The following XRCC4 variants were observed in gnomAD, a reference collection of about 807,000 sequenced individuals.
XRCC4 encodes DNA repair protein XRCC4.
XRCC4 carries 28 observed loss-of-function variants against 39.1 expected under a neutral mutation model. The observed-to-expected ratio is 0.72, with a 90% CI of 0.53 to 0.98. The LOEUF (loss-of-function observed/expected upper bound fraction) is 0.98. XRCC4 is among the 50% of genes least tolerant of loss of function. The probability of loss-of-function intolerance (pLI) is 0.00; values close to 1 mark genes in which losing one functional copy is unlikely to be tolerated. For missense variants in XRCC4, 350 were observed against 376.4 expected (o/e 0.93, Z 0.58); for synonymous variants, 123 against 126.4 (o/e 0.97, Z 0.18).
chr5:83,319,040 G>T (rs1755972726), intron 7 of XRCC4, among the ~76,000 whole-genome samples: 1 of 68,378 alleles, frequency 1.5e-5, no homozygotes, highest in African/African-American at 6.7e-5. Context: ...AGAACCCTCA[G>T]AAATAATGCC....
At chr5:83,339,843 A>G (rs971763766) in intron 7 of XRCC4, among the ~76,000 whole-genome samples, 1 of 152,134 alleles carries the variant, frequency 6.6e-6, no homozygotes, top group Non-Finnish European at 1.5e-5. Context: ...CTGTTTTGTT[A>G]TCCCCTAGAC....
At chr5:83,224,835 TTC>T (rs749116694) in intron 6 of XRCC4, among the ~76,000 whole-genome samples, 4 of 152,194 alleles carry the variant, frequency 2.6e-5, no homozygotes, top group Admixed American at 1.3e-4. Context: ...AAAAAAAACT[TTC>T]TGTCTCTTCA....
rs564815905 is a variant in XRCC4 at position 83,348,113 on chromosome 5, T to G, written c.894-5018T>G. On this transcript the variant is annotated intron_variant, in intron 7 of 7. Transcript: ENST00000396027. ...CCAGGGTACAGCCCCCATGGCTGCT[T>G]TCATAGGCTGGTATTGAGTGCCTGC... Among the ~76,000 whole-genome samples the G allele has an allele frequency of 1.6e-3, 246 of 152,296 alleles. 3 individuals carry two copies. In the Middle Eastern group the frequency reaches 0.041, roughly 25 times the overall value.
intron 3 of XRCC4, among the ~76,000 whole-genome samples, chr5:83,182,495 G>A (rs552502210): frequency 3.9e-4 from 59 of 152,260 alleles, no homozygotes; most frequent in African/African-American, 1.4e-3. Context: ...ACAGGGAAAA[G>A]GAAGGAGGAC....
intron 7 of XRCC4, among the ~76,000 whole-genome samples, chr5:83,351,157 G>A (rs549450092): frequency 1.3e-4 from 20 of 152,168 alleles, no homozygotes; most frequent in African/African-American, 2.9e-4. Flanking sequence ...CTCCTTCTCC[G>A]GCCATGTAAG....
chr5:83,246,875 T>C (rs1318592553), intron 6 of XRCC4, among the ~76,000 whole-genome samples: 1 of 152,220 alleles, frequency 6.6e-6, no homozygotes, highest in Non-Finnish European at 1.5e-5. Flanking sequence ...TGAGGCGTAC[T>C]ATGATCTGAT....
intron 2 of XRCC4, among the ~76,000 whole-genome samples, chr5:83,105,316 C>G (rs1420412998): frequency 6.6e-6 from 1 of 152,124 alleles, no homozygotes; most frequent in Non-Finnish European, 1.5e-5. Context: ...TTAAAATGAC[C>G]TCTTTATAGA....
chr5:83,208,349 T>G (rs1751499071), intron 6 of XRCC4, among the ~76,000 whole-genome samples: 1 of 152,024 alleles, frequency 6.6e-6, no homozygotes, highest in Non-Finnish European at 1.5e-5. Flanking sequence ...AAATTATTCT[T>G]TAATAATCAA....
chr5:83,245,234 TA>T (rs201263177), intron 6 of XRCC4, among the ~76,000 whole-genome samples: 9,154 of 145,802 alleles, frequency 0.063, 891 homozygotes, highest in East Asian at 0.48. Context: ...GTGTTTTGGT[TA>T]AAAAAAAAAA....
At chr5:83,247,564 G>A (rs1209891921) in intron 6 of XRCC4, among the ~76,000 whole-genome samples, 1 of 152,174 alleles carries the variant, frequency 6.6e-6, no homozygotes, top group African/African-American at 2.4e-5. Context: ...TCTGACCAAG[G>A]AAGCATCAGA....
At chr5:83,179,283 G>T (rs148234104) in intron 3 of XRCC4, among the ~76,000 whole-genome samples, 8 of 152,168 alleles carry the variant, frequency 5.3e-5, no homozygotes, top group Non-Finnish European at 1.0e-4. Flanking sequence ...GAGTCAGAGC[G>T]AATGCTATCT....
At chr5:83,264,463 G>A (rs1033743525) in intron 7 of XRCC4, among the ~76,000 whole-genome samples, 1 of 151,892 alleles carries the variant, frequency 6.6e-6, no homozygotes, top group Non-Finnish European at 1.5e-5. Context: ...AACAGTGAGG[G>A]GGTCAGAGTC....
At chr5:83,091,861 C>T (rs1745443454) in intron 1 of XRCC4, among the ~76,000 whole-genome samples, 1 of 152,150 alleles carries the variant, frequency 6.6e-6, no homozygotes, top group African/African-American at 2.4e-5. Context: ...GATTTTAAAA[C>T]TTTCAGGTAA....
intron 6 of XRCC4, among the ~76,000 whole-genome samples, chr5:83,223,509 C>T (rs920949308): frequency 2.0e-5 from 3 of 151,352 alleles, no homozygotes; most frequent in African/African-American, 7.3e-5. Context: ...TTTGTTTTAC[C>T]TAAAGTTTAT....
intron 7 of XRCC4, chr5:83,279,804 C>A (rs1754473182): frequency 6.6e-6 from 1 of 152,670 alleles, no homozygotes; most frequent in Non-Finnish European, 1.5e-5. Context: ...AAGTTTATAA[C>A]CAAAGCTGGG....
intron 6 of XRCC4, among the ~76,000 whole-genome samples, chr5:83,240,352 C>G (rs1752858713): frequency 6.6e-6 from 1 of 151,766 alleles, no homozygotes; most frequent in Non-Finnish European, 1.5e-5. Context: ...TGGAGGATGT[C>G]TAGAGAAAGA....
Position 83,321,899 on chromosome 5 carries a change from A to G in XRCC4, c.894-31232A>G, listed in dbSNP as rs555431869. The stretch of plus-strand genomic sequence containing the variant: ...GGCACAAAGACCAGGAAACCAGCCA[A>G]GCATTCACTGGAGGCATTACTCAGT... On this transcript the variant is annotated intron_variant, in intron 7 of 7. Coordinates refer to ENST00000396027, the MANE Select transcript of XRCC4 (RefSeq NM_003401.5). 2.2e-4 allele frequency among the ~76,000 whole-genome samples: 33 copies of G among 151,684 alleles called. 1 individual carries two copies. In the South Asian group the frequency reaches 6.1e-3, roughly 28 times the overall value.
intron 3 of XRCC4, among the ~76,000 whole-genome samples, chr5:83,156,992 G>A (rs1748995348): frequency 2.0e-5 from 3 of 151,804 alleles, no homozygotes; most frequent in Admixed American, 1.3e-4. Context: ...TGTACACCTA[G>A]TTCTCCCTCC....
intron 3 of XRCC4, among the ~76,000 whole-genome samples, chr5:83,186,396 C>G (rs979510079): frequency 2.0e-5 from 3 of 152,166 alleles, no homozygotes; most frequent in East Asian, 1.9e-4. Flanking sequence ...CCATCCAGCT[C>G]CTAGAGGCTT....
Sources: allele counts gnomAD v4.1 joint callset (sites outside exome capture counted in the v4.1 genomes callset), GRCh38; gene constraint gnomAD v4.1.1; transcripts MANE v1.5; gene names NCBI Gene and HGNC (gene_info 2026-07-23, HGNC 2026-07-21).